Variants in VANGL1 observed in about 807,000 individuals in gnomAD.
The protein encoded by VANGL1 is VANGL planar cell polarity protein 1.
A neutral mutation model predicts 48.4 loss-of-function variants in VANGL1; 18 were observed. The ratio of observed to expected loss-of-function variants is 0.37; its 90% CI spans 0.26 to 0.55. The LOEUF is 0.55. Ranked by LOEUF, VANGL1 falls within the 20% of genes least tolerant of loss-of-function variation. The pLI is 0.81. For missense variants in VANGL1, 667 were observed against 675.8 expected, an observed-to-expected ratio of 0.99 and a Z score of 0.14; for synonymous variants, 257 against 261.8, an observed-to-expected ratio of 0.98 and a Z score of 0.18.
rs142153998 is a variant in VANGL1, at chr1:115,666,838, A to G, written c.812+2570A>G. ...ACAAATGGAGCCCTCAGGGAGAGCCAGATGCCCAAGTGTCAGCCAGTCTGC... is the reference window on the plus strand; with the variant it reads ...ACAAATGGAGCCCTCAGGGAGAGCCGGATGCCCAAGTGTCAGCCAGTCTGC... On this transcript the variant is annotated intron_variant, in intron 4 of 7. Coordinates refer to ENST00000355485, the MANE Select transcript of VANGL1 (RefSeq NM_138959.3). 5.9e-3 allele frequency among the ~76,000 whole-genome samples: 898 copies of G among 152,356 alleles called. 11 individuals carry two copies. The highest frequency in any genetic ancestry group is 0.02 in the African/African-American group (814 of 41,588).
chr1:115,651,085 G>A (rs572981277), intron 1 of VANGL1, among the ~76,000 whole-genome samples, 192 bp from the exon 2 acceptor site: 27 of 152,154 alleles, frequency 1.8e-4, no homozygotes, highest in African/African-American at 5.8e-4. Context: ...CGCCTATCCT[G>A]TCTCCCTCCC....
chr1:115,667,722 A>G (rs1291020394), intron 4 of VANGL1, among the ~76,000 whole-genome samples: 1 of 152,204 alleles, frequency 6.6e-6, no homozygotes, highest in African/African-American at 2.4e-5. Context: ...CCCCGTTCTC[A>G]CAATAAGTTG....
At chr1:115,683,784 G>A (rs1222219444) in intron 5 of VANGL1, among the ~76,000 whole-genome samples, 160 bp from the exon 6 acceptor site, 4 of 152,184 alleles carry the variant, frequency 2.6e-5, no homozygotes, top group Admixed American at 1.3e-4. Context: ...ATGTGGAGCC[G>A]GGGCACAGTT....
At chr1:115,649,530 G>C (rs571333419) in intron 1 of VANGL1, among the ~76,000 whole-genome samples, 2 of 152,204 alleles carry the variant, frequency 1.3e-5, no homozygotes, top group Admixed American at 1.3e-4. Context: ...AGAGGAACAA[G>C]CATTTCGGAA....
chr1:115,687,908 C>G (rs1370822904), intron 7 of VANGL1, among the ~76,000 whole-genome samples: 1 of 134,948 alleles, frequency 7.4e-6, no homozygotes, highest in African/African-American at 2.8e-5. Context: ...TTACAGGCCA[C>G]CACCCCGGCC....
At chr1:115,682,337 G>T (rs1014057332) in intron 4 of VANGL1, 27 bp from the exon 5 acceptor site, 6 of 1,613,304 alleles carry the variant, frequency 3.7e-6, no homozygotes, top group Non-Finnish European at 5.1e-6. Flanking sequence ...AAAAAGCTTT[G>T]CATTAATTTT....
intron 2 of VANGL1, among the ~76,000 whole-genome samples, chr1:115,657,360 T>C (rs1042950718): frequency 3.3e-5 from 5 of 152,148 alleles, no homozygotes; most frequent in Non-Finnish European, 7.4e-5. Context: ...ATAGAAGTGG[T>C]GGCAACAGAC....
rs1421987344 is a variant in VANGL1, at chr1:115,689,092, A to G, written c.1315-2027A>G. Among the ~76,000 whole-genome samples, 2 of 137,502 alleles carry G rather than the reference A, an allele frequency of 1.5e-5. 1 individual carries two copies. The highest frequency in any genetic ancestry group is 3.2e-5 in the Non-Finnish European group (2 of 63,080). 90.2% of individuals were successfully genotyped at this position (137,502 alleles called of 152,430 possible). ...AGGCATGAGCCACTGCGCCCAGCCT[A>G]TATTTCTTTAGTTAATAATGTGATA... On this transcript the variant is annotated intron_variant, in intron 7 of 7. Transcript: ENST00000355485.
At chr1:115,665,106 G>A (rs1458514322) in intron 4 of VANGL1, among the ~76,000 whole-genome samples, 2 of 152,198 alleles carry the variant, frequency 1.3e-5, no homozygotes, top group Admixed American at 6.5e-5. Context: ...CCAGGGCTGA[G>A]TGAATGCCCC....
In VANGL1 at chr1:115,664,006, G is replaced by A; in HGVS notation, c.550G>A (p.Val184Met). The A allele has an allele frequency of 1.9e-6, 3 of 1,614,240 alleles. No individual in the cohort carries two copies. The highest frequency in any genetic ancestry group is 2.5e-6 in the Non-Finnish European group (3 of 1,180,046). ...KRRADMPRVF[V>M]FRALLLVLIF... ...GAGAGCTGACATGCCACGGGTGTTT[G>A]TGTTTCGTGCCCTTTTGTTGGTCCT... The change falls in exon 4 of 8, where the codon GTG becomes ATG. Residue 184 changes from valine (V) to methionine (M), a missense_variant. Transcript: ENST00000355485.
chr1:115,655,119 C>T (rs970934320), intron 2 of VANGL1, among the ~76,000 whole-genome samples: 3 of 152,306 alleles, frequency 2.0e-5, no homozygotes, highest in African/African-American at 4.8e-5. Flanking sequence ...CTGCGCCCAG[C>T]GCTCCTACCC....
At chr1:115,671,736 G>A (rs147691041) in intron 4 of VANGL1, among the ~76,000 whole-genome samples, 27 of 152,272 alleles carry the variant, frequency 1.8e-4, no homozygotes, top group Non-Finnish European at 3.1e-4. Flanking sequence ...GGTTTGTGCC[G>A]CGGCCTACAA....
chr1:115,655,997 G>A (rs1652341076), intron 2 of VANGL1, among the ~76,000 whole-genome samples: 1 of 152,200 alleles, frequency 6.6e-6, no homozygotes, highest in Non-Finnish European at 1.5e-5. Context: ...TTCTGATAAA[G>A]TTATTCTAAT....
At chr1:115,647,490 CTT>C (rs780930907) in intron 1 of VANGL1, among the ~76,000 whole-genome samples, 2 of 152,212 alleles carry the variant, frequency 1.3e-5, no homozygotes, top group Non-Finnish European at 2.9e-5. Context: ...GGCTCAGACT[CTT>C]TTAAAATAAG....
intron 7 of VANGL1, 109 bp downstream of exon 7, chr1:115,685,636 A>G (rs928625571): frequency 2.4e-5 from 26 of 1,099,676 alleles, no homozygotes; most frequent in Non-Finnish European, 3.4e-5. Flanking sequence ...AGGCATCTCT[A>G]AAACTCAAGT....
In VANGL1 at chr1:115,691,719, C is replaced by G. The variant is rs886045121; in HGVS notation, c.*340C>G. The G allele has an allele frequency of 1.2e-5, 3 of 246,702 alleles. No individual in the cohort carries two copies. The highest frequency in any genetic ancestry group is 2.3e-5 in the Non-Finnish European group (3 of 128,262). The allele number at this position is 246,702 out of a possible 1,614,324, so 15.3% of individuals were successfully genotyped here. A position where few individuals can be genotyped will look rare whatever the true frequency, so the allele number is the denominator to read the frequency against. ...TCCTGCCTTTCGTCCAGTACCAAGT[C>G]CCCCGTTGCTTCTGGTCAGCCCACT... On this transcript the variant is annotated 3_prime_UTR_variant, in exon 8 of 8. Transcript: ENST00000355485.
rs1422417327 is a variant in VANGL1 at position 115,693,952 on chromosome 1, C to G, written c.*2573C>G. 6.6e-6 allele frequency: 1 copy of G among 152,168 alleles called. No individual in the cohort carries two copies. Among genetic ancestry groups the G allele is most frequent in the African/African-American group, 2.4e-5 (1 of 41,440 alleles). 9.4% of individuals were successfully genotyped at this position (152,168 alleles called of 1,614,324 possible). A position where few individuals can be genotyped will look rare whatever the true frequency, so the allele number is the denominator to read the frequency against. ...ATGTTTATAGATTTTTTATAATTTT[C>G]ATCCTACGTTATTAAAATTAGAGCA... is the stretch of plus-strand genomic sequence containing the variant. On this transcript the variant is annotated 3_prime_UTR_variant, in exon 8 of 8. Transcript: ENST00000355485.
intron 4 of VANGL1, among the ~76,000 whole-genome samples, chr1:115,672,344 C>T (rs187413955): frequency 6.6e-6 from 1 of 152,294 alleles, no homozygotes; most frequent in Admixed American, 6.5e-5. Context: ...GTACGCTTTC[C>T]AGCCTTCCGA....
chr1:115,656,528 G>C (rs1652360534), intron 2 of VANGL1, among the ~76,000 whole-genome samples: 1 of 152,218 alleles, frequency 6.6e-6, no homozygotes, highest in Non-Finnish European at 1.5e-5. Context: ...TAGTTTTTCT[G>C]TGCAGTTTTT....
Sources: allele counts gnomAD v4.1 joint callset (sites outside exome capture counted in the v4.1 genomes callset), GRCh38; gene constraint gnomAD v4.1.1; transcripts MANE v1.5; gene names NCBI Gene and HGNC (gene_info 2026-07-23, HGNC 2026-07-21).